The following SPATA17 variants were observed in gnomAD, a reference collection of about 807,000 sequenced individuals.
SPATA17 encodes the protein spermatogenesis-associated protein 17.
A neutral mutation model predicts 62.2 loss-of-function variants in SPATA17; 53 were observed. That is an observed-to-expected ratio of 0.85 (90% CI 0.68 to 1.07). The LOEUF (loss-of-function observed/expected upper bound fraction) is 1.07. Among genes scored for constraint, SPATA17 ranks in the 50% least tolerant of loss-of-function variants. The probability of loss-of-function intolerance (pLI) is 0.00; values close to 1 mark genes in which losing one functional copy is unlikely to be tolerated. For synonymous variants in SPATA17, 146 were observed against 146.8 expected (o/e 0.99, Z 0.04); for missense variants, 466 against 425.5 (o/e 1.10, Z -0.84).
chr1:217,655,711 C>G (rs1034273511), intron 3 of SPATA17, among the ~76,000 whole-genome samples: 1 of 151,750 alleles, frequency 6.6e-6, no homozygotes, highest in African/African-American at 2.4e-5. Flanking sequence ...TAATGGATTC[C>G]TATTTTATTC....
chr1:217,750,222 G>A (rs1672873094), intron 6 of SPATA17, among the ~76,000 whole-genome samples: 1 of 151,720 alleles, frequency 6.6e-6, no homozygotes. Flanking sequence ...TTAGCTTTCA[G>A]GTTGTCCTTA....
chr1:217,747,592 T>C (rs563315262), intron 6 of SPATA17, among the ~76,000 whole-genome samples: 1 of 152,274 alleles, frequency 6.6e-6, no homozygotes, highest in South Asian at 2.1e-4. Context: ...CTGTTTTTCA[T>C]TTTAAAGTGA....
chr1:217,768,106 A>C (rs185468875), intron 6 of SPATA17, among the ~76,000 whole-genome samples: 1 of 152,076 alleles, frequency 6.6e-6, no homozygotes, highest in Non-Finnish European at 1.5e-5. Context: ...TTAGCCAGGC[A>C]TGGTGGCACA....
intron 6 of SPATA17, among the ~76,000 whole-genome samples, chr1:217,764,092 A>G (rs1022263081): frequency 1.3e-4 from 20 of 152,154 alleles, no homozygotes; most frequent in African/African-American, 3.6e-4. Flanking sequence ...ATACGTCATT[A>G]GCACCCAAAG....
At chr1:217,866,741 G>C (rs4550125) in intron 10 of SPATA17, 11,047 of 152,080 alleles carry the variant, frequency 0.073, 426 homozygotes, top group African/African-American at 0.099. Flanking sequence ...GGCTAAAAAT[G>C]ATTCAAGTCC....
chr1:217,831,158 G>T (rs1675129657), intron 9 of SPATA17, among the ~76,000 whole-genome samples: 1 of 152,002 alleles, frequency 6.6e-6, no homozygotes, highest in Non-Finnish European at 1.5e-5. Flanking sequence ...AGAAGAAATG[G>T]ATTCTAAAGA....
intron 6 of SPATA17, among the ~76,000 whole-genome samples, chr1:217,750,613 A>G (rs1672882164): frequency 6.6e-6 from 1 of 152,214 alleles, no homozygotes; most frequent in Non-Finnish European, 1.5e-5. Context: ...GTCTGGTAAT[A>G]AGATAGAGTT....
chr1:217,743,632 A>C (rs2102949314), intron 6 of SPATA17, among the ~76,000 whole-genome samples: 2 of 152,030 alleles, frequency 1.3e-5, no homozygotes, highest in South Asian at 4.2e-4. Context: ...GGGAGCAAAA[A>C]AGAGTCTCAC....
In SPATA17 at chr1:217,675,995, A is replaced by T. The variant is rs566954305; in HGVS notation, c.291+6912A>T. The stretch of plus-strand genomic sequence containing the variant: ...TATTACTCATACCCTGTTTACTTGG[A>T]AAACTGACCTTGTGGCCTGATAATT... On this transcript the variant is annotated intron_variant, in intron 4 of 10. Transcript: ENST00000366933. 1.1e-4 allele frequency among the ~76,000 whole-genome samples: 17 copies of T among 152,310 alleles called. No individual in the cohort carries two copies. The South Asian group carries it at 2.5e-3, about 22-fold the overall frequency.
chr1:217,794,612 C>T (rs948548596), intron 8 of SPATA17, among the ~76,000 whole-genome samples: 4 of 152,108 alleles, frequency 2.6e-5, no homozygotes, highest in Non-Finnish European at 5.9e-5. Context: ...TTTAAAACTC[C>T]AGATTTTACC....
chr1:217,831,215 T>C (rs1675130876), intron 9 of SPATA17, among the ~76,000 whole-genome samples: 1 of 152,178 alleles, frequency 6.6e-6, no homozygotes, highest in South Asian at 2.1e-4. Context: ...CAATGCATTG[T>C]CATTTGTCCA....
At chr1:217,709,163 T>C (rs1671802788) in intron 5 of SPATA17, among the ~76,000 whole-genome samples, 1 of 152,260 alleles carries the variant, frequency 6.6e-6, no homozygotes, top group Admixed American at 6.5e-5. Context: ...ATTCTGTTTT[T>C]CAGTGAAAAT....
At chr1:217,663,831 A>G (rs1392858956) in intron 3 of SPATA17, among the ~76,000 whole-genome samples, 2 of 152,204 alleles carry the variant, frequency 1.3e-5, no homozygotes, top group Non-Finnish European at 2.9e-5. Flanking sequence ...CTTGAAGCTC[A>G]TATTTTCTTG....
chr1:217,755,946 C>T (rs1673031174), intron 6 of SPATA17, among the ~76,000 whole-genome samples: 1 of 151,898 alleles, frequency 6.6e-6, no homozygotes, highest in South Asian at 2.1e-4. Context: ...TTTTTCAAGG[C>T]AGAATTATTC....
intron 9 of SPATA17, among the ~76,000 whole-genome samples, chr1:217,819,481 G>A (rs1255198951): frequency 1.3e-5 from 2 of 151,532 alleles, no homozygotes; most frequent in Non-Finnish European, 2.9e-5. Flanking sequence ...CTTCTCTATA[G>A]TTGATGCCAT....
chr1:217,698,087 G>A (rs2102917012), intron 5 of SPATA17, among the ~76,000 whole-genome samples: 2 of 151,988 alleles, frequency 1.3e-5, no homozygotes, highest in Admixed American at 1.3e-4. Context: ...CCTGAGGTCA[G>A]GATTTCAAGA....
At position 217,812,184 on chromosome 1, in the gene SPATA17, T is replaced by C. The variant is rs148346643; in HGVS notation, c.1005+10334T>C. ...ATATTATTTTTAAACATAGAAGTCA[T>C]ACTTTTCAAATGATTTATTAACCAA... is the stretch of plus-strand genomic sequence containing the variant. On this transcript the variant is annotated intron_variant, in intron 9 of 10. Coordinates refer to ENST00000366933, the MANE Select transcript of SPATA17 (RefSeq NM_138796.4). Among the ~76,000 whole-genome samples, 91 of 152,352 alleles carry C rather than the reference T, an allele frequency of 6.0e-4. 1 individual carries two copies. Among genetic ancestry groups the C allele is most frequent in the East Asian group, 1.5e-3 (8 of 5,194 alleles).
In SPATA17 at chr1:217,764,662, C is replaced by T. The variant is rs915982018; in HGVS notation, c.520-9672C>T. Among the ~76,000 whole-genome samples the T allele has an allele frequency of 2.6e-5, 4 of 152,210 alleles. No individual in the cohort carries two copies. In the South Asian group the frequency reaches 6.2e-4, roughly 24 times the overall value. ...AACTGTCAAACTGTATTCCAAAGTG[C>T]CTGTATCATTTTGCATTCCCATCAG... On this transcript the variant is annotated intron_variant, in intron 6 of 10. Coordinates refer to ENST00000366933, the MANE Select transcript of SPATA17 (RefSeq NM_138796.4).
At position 217,774,314 on chromosome 1, in the gene SPATA17, A is replaced by G; in HGVS notation, c.520-20A>G. The G allele has an allele frequency of 3.8e-6, 6 of 1,589,236 alleles. No homozygotes were observed. The highest frequency in any genetic ancestry group is 5.1e-6 in the Non-Finnish European group (6 of 1,166,388). On this transcript the variant is annotated intron_variant, in intron 6 of 10. Transcript: ENST00000366933. ...TCTGAAAATTAAAGAAAAAATCAAA[A>G]TTGCTTTCTTCTTCTTTAGATTCCA...
Sources: allele counts gnomAD v4.1 joint callset (sites outside exome capture counted in the v4.1 genomes callset), GRCh38; gene constraint gnomAD v4.1.1; transcripts MANE v1.5; gene names NCBI Gene and HGNC (gene_info 2026-07-23, HGNC 2026-07-21).